DNER: variants seen among roughly 807,000 people sequenced by gnomAD.
The protein encoded by DNER is delta/notch like EGF repeat containing, also known as delta and Notch-like epidermal growth factor-related receptor.
A neutral mutation model predicts 78.2 loss-of-function variants in DNER; 33 were observed. The ratio of observed to expected loss-of-function variants is 0.42; its 90% CI spans 0.32 to 0.56. The LOEUF is 0.56. DNER is among the 20% of genes least tolerant of loss of function. The pLI, the probability that DNER is intolerant of heterozygous loss-of-function variation, is 0.11. For missense variants in DNER, 918 were observed against 975.3 expected (o/e 0.94, Z 0.78); for synonymous variants, 417 against 384.8 (o/e 1.08, Z -0.98).
At chr2:229,641,846 C>T (rs1238367319) in intron 1 of DNER, among the ~76,000 whole-genome samples, 1 of 152,192 alleles carries the variant, frequency 6.6e-6, no homozygotes, top group Non-Finnish European at 1.5e-5. Flanking sequence ...TTGGTCTCCT[C>T]TTTACTTCTC....
intron 7 of DNER, among the ~76,000 whole-genome samples, chr2:229,471,205 A>G (rs1034206423): frequency 6.6e-5 from 10 of 152,284 alleles, no homozygotes; most frequent in South Asian, 2.1e-4. Context: ...TAACATACCC[A>G]GTTTTTAAAC....
At chr2:229,708,951 CTG>C (rs1699869306) in intron 1 of DNER, among the ~76,000 whole-genome samples, 1 of 152,134 alleles carries the variant, frequency 6.6e-6, no homozygotes, top group Non-Finnish European at 1.5e-5. Flanking sequence ...CTTCAAGTCA[CTG>C]AGAATTTTCT....
intron 1 of DNER, among the ~76,000 whole-genome samples, chr2:229,607,667 G>C (rs1697964391): frequency 6.6e-6 from 1 of 152,116 alleles, no homozygotes; most frequent in African/African-American, 2.4e-5. Context: ...TGTTTCAGAT[G>C]AGAGAGCACA....
chr2:229,459,638 G>T (rs1214662022), intron 7 of DNER, among the ~76,000 whole-genome samples: 1 of 151,994 alleles, frequency 6.6e-6, no homozygotes, highest in Non-Finnish European at 1.5e-5. Context: ...ATTCAATCAG[G>T]TTTGTCTGAC....
chr2:229,549,751 A>C (rs1696694959), intron 4 of DNER, among the ~76,000 whole-genome samples: 1 of 151,910 alleles, frequency 6.6e-6, no homozygotes, highest in African/African-American at 2.4e-5. Flanking sequence ...TCTCTACTAA[A>C]AATACAAAAA....
intron 12 of DNER, among the ~76,000 whole-genome samples, chr2:229,364,511 A>C (rs1227898252): frequency 6.6e-6 from 1 of 152,122 alleles, no homozygotes; most frequent in Non-Finnish European, 1.5e-5. Flanking sequence ...GTTCGCTCTG[A>C]AAGGAAGGCG....
At chr2:229,606,556 C>T (rs1377464014) in intron 1 of DNER, among the ~76,000 whole-genome samples, 1 of 152,092 alleles carries the variant, frequency 6.6e-6, no homozygotes, top group Non-Finnish European at 1.5e-5. Flanking sequence ...TGATTAACAA[C>T]ATCTCCTTCA....
intron 4 of DNER, among the ~76,000 whole-genome samples, chr2:229,581,856 C>A (rs1697402282): frequency 6.6e-6 from 1 of 151,888 alleles, no homozygotes; most frequent in African/African-American, 2.4e-5. Context: ...CAGGAAAATA[C>A]CTTTGGTCAT....
At chr2:229,524,739 G>C (rs1410518648) in intron 5 of DNER, among the ~76,000 whole-genome samples, 11 of 152,198 alleles carry the variant, frequency 7.2e-5, no homozygotes, top group Admixed American at 7.2e-4. Context: ...CCAGGGAGGA[G>C]CTGCACCTGC....
At position 229,447,376 on chromosome 2, in the gene DNER, G is replaced by A. The variant is rs750961896; in HGVS notation, c.1426C>T (p.Pro476Ser). The change falls in exon 8 of 13, where the codon CCC becomes TCC. Residue 476 changes from proline (P) to serine (S), a missense_variant. By Grantham distance (74) the Pro-to-Ser change is moderately conservative. Transcript: ENST00000341772. ...CTGCGGCACGTGCCATGAGCACAGG[G>A]GCTGAGGGCACAGAAGTCAATAAGC... ...AQLIDFCALS[P>S]CAHGTCRSVG... 1 of 1,613,040 alleles carries A rather than the reference G, an allele frequency of 6.2e-7. No homozygotes were observed.
At chr2:229,406,919 C>T (rs1218432735) in intron 10 of DNER, among the ~76,000 whole-genome samples, 3 of 152,168 alleles carry the variant, frequency 2.0e-5, no homozygotes, top group Non-Finnish European at 2.9e-5. Flanking sequence ...TTTTATTAAC[C>T]CATCACCTTT....
intron 1 of DNER, among the ~76,000 whole-genome samples, chr2:229,670,424 C>CAG (rs76282009): frequency 0.21 from 31,469 of 152,100 alleles, 5,629 homozygotes; most frequent in African/African-American, 0.49. Flanking sequence ...ATGAAGACCT[C>CAG]GGAGGAAACT....
chr2:229,419,147 G>A lies in DNER; in HGVS notation c.1487-917C>T, dbSNP rs115387342. On this transcript the variant is annotated intron_variant, in intron 8 of 12. Transcript: ENST00000341772. ...TTTAAATTACTAAAGAAATAATCATGTGAGTGAAGAGAAAATAAACCCACA... is the reference window on the plus strand; with the variant it reads ...TTTAAATTACTAAAGAAATAATCATATGAGTGAAGAGAAAATAAACCCACA... 8.1e-3 allele frequency among the ~76,000 whole-genome samples: 1,230 copies of A among 152,230 alleles called. 22 individuals carry two copies. The highest frequency in any genetic ancestry group is 0.028 in the African/African-American group (1,181 of 41,562).
chr2:229,668,521 T>TAA (rs1432624712), intron 1 of DNER, among the ~76,000 whole-genome samples: 29 of 48,782 alleles, frequency 5.9e-4, no homozygotes, highest in South Asian at 1.6e-3. Flanking sequence ...TAAGTATGTG[T>TAA]GTGTGTGTGT....
intron 8 of DNER, among the ~76,000 whole-genome samples, chr2:229,438,140 G>T (rs1378401073): frequency 6.6e-6 from 1 of 152,206 alleles, no homozygotes; most frequent in Non-Finnish European, 1.5e-5. Flanking sequence ...ATGAAGCAAA[G>T]ACAGAAGAAG....
At chr2:229,518,788 C>G (rs1008242486) in intron 5 of DNER, among the ~76,000 whole-genome samples, 1 of 152,200 alleles carries the variant, frequency 6.6e-6, no homozygotes. Context: ...CCTAATATGA[C>G]ATCCACTATG....
intron 7 of DNER, among the ~76,000 whole-genome samples, chr2:229,474,215 C>G (rs558928428): frequency 2.0e-5 from 3 of 152,140 alleles, no homozygotes; most frequent in African/African-American, 7.2e-5. Context: ...GACACAGGCT[C>G]TTTTTAAAGT....
chr2:229,591,976 C>T lies in DNER; in HGVS notation c.277-88G>A. 7.1e-7 allele frequency: 1 copy of T among 1,410,486 alleles called. No individual in the cohort carries two copies. The highest frequency in any genetic ancestry group is 1.5e-5 in the South Asian group (1 of 67,006). 87.4% of individuals were successfully genotyped at this position (1,410,486 alleles called of 1,614,324 possible). On this transcript the variant is annotated intron_variant, in intron 1 of 12. Coordinates refer to ENST00000341772, the MANE Select transcript of DNER (RefSeq NM_139072.4). The surrounding 1 kb of genome is among the most constrained non-coding windows in gnomAD (Gnocchi z 4.6). Reference sequence around the variant, plus strand: ...AAATTAGCTCTGTGTCTCAGAGCGACTGCTGTAATGGAAATGCTGTTCCTG... The same window carrying T: ...AAATTAGCTCTGTGTCTCAGAGCGATTGCTGTAATGGAAATGCTGTTCCTG...
intron 1 of DNER, among the ~76,000 whole-genome samples, chr2:229,592,716 TC>T (rs1246179959): frequency 3.9e-5 from 6 of 152,138 alleles, no homozygotes; most frequent in Non-Finnish European, 7.3e-5. Context: ...AATCACCTGC[TC>T]CTCTTCAGAT....
Sources: gnomAD v4.1 joint callset for allele counts (sites outside exome capture counted in the v4.1 genomes callset) on GRCh38, gnomAD v4.1.1 for gene constraint, Gnocchi (gnomAD v3.1) non-coding constraint, MANE v1.5 for transcripts, NCBI Gene and HGNC (gene_info 2026-07-23, HGNC 2026-07-21) for gene names.